The following MBD5 variants were observed in gnomAD, a reference collection of about 807,000 sequenced individuals.
MBD5 encodes the protein methyl-CpG binding domain protein 5, also known as methyl-CpG-binding domain protein 5.
Under a neutral mutation model 117.3 loss-of-function variants are expected in MBD5, and 13 were observed. The ratio of observed to expected loss-of-function variants is 0.11; its 90% CI spans 0.07 to 0.18. The LOEUF is 0.18. MBD5 is among the 10% of genes least tolerant of loss of function. The pLI is 1.00. For synonymous variants in MBD5, 727 were observed against 766.4 expected (o/e 0.95, Z 0.85); for missense variants, 1,879 against 2,093.8 (o/e 0.90, Z 2.00).
chr2:148,113,371 A>G (rs1472515344), intron 1 of MBD5, among the ~76,000 whole-genome samples: 1 of 152,022 alleles, frequency 6.6e-6, no homozygotes, highest in African/African-American at 2.4e-5. Flanking sequence ...CTTTTTTTTT[A>G]ACAGTACTTA....
intron 1 of MBD5, among the ~76,000 whole-genome samples, chr2:148,022,162 G>T (rs1395970306): frequency 6.6e-6 from 1 of 152,110 alleles, no homozygotes; most frequent in Non-Finnish European, 1.5e-5. Context: ...AGACCTGAGT[G>T]TTTTCCCCTT....
At chr2:148,274,240 T>A (rs919723109) in intron 3 of MBD5, among the ~76,000 whole-genome samples, 15 of 152,166 alleles carry the variant, frequency 9.9e-5, no homozygotes, top group African/African-American at 1.9e-4. Context: ...CCACTTTTTT[T>A]AAATTATACT....
intron 1 of MBD5, among the ~76,000 whole-genome samples, chr2:148,170,909 C>T (rs1429104632): frequency 6.6e-6 from 1 of 152,162 alleles, no homozygotes; most frequent in Non-Finnish European, 1.5e-5. Context: ...AATGCCTAGA[C>T]ATATGCAGCC....
chr2:148,466,818 T>C (rs888577724), intron 7 of MBD5, among the ~76,000 whole-genome samples: 1 of 152,134 alleles, frequency 6.6e-6, no homozygotes, highest in African/African-American at 2.4e-5. Flanking sequence ...GAAAAACAAA[T>C]GTTCACAGCA....
intron 1 of MBD5, among the ~76,000 whole-genome samples, chr2:148,097,330 T>C (rs141006373): frequency 1.3e-5 from 2 of 152,322 alleles, no homozygotes; most frequent in African/African-American, 4.8e-5. Context: ...GTGAATAGTT[T>C]CTCAACGCCT....
intron 4 of MBD5, among the ~76,000 whole-genome samples, chr2:148,389,446 C>T (rs144559195): frequency 1.5e-3 from 233 of 151,216 alleles, no homozygotes; most frequent in Non-Finnish European, 2.1e-3. Flanking sequence ...TGGATATACA[C>T]CCAGTAGTGA....
At chr2:148,399,422 A>G (rs1704843621) in intron 4 of MBD5, among the ~76,000 whole-genome samples, 1 of 152,052 alleles carries the variant, frequency 6.6e-6, no homozygotes, top group Non-Finnish European at 1.5e-5. Flanking sequence ...GCAATTGTGA[A>G]TGGGAGTTCA....
intron 4 of MBD5, among the ~76,000 whole-genome samples, chr2:148,381,926 C>G (rs1160917380): frequency 6.6e-6 from 1 of 152,086 alleles, no homozygotes; most frequent in East Asian, 1.9e-4. Context: ...TTTGTCACCA[C>G]CAGGCCTGCC....
intron 1 of MBD5, among the ~76,000 whole-genome samples, chr2:148,064,687 CACAA>C (rs1695137431): frequency 1.3e-5 from 2 of 152,180 alleles, no homozygotes; most frequent in Non-Finnish European, 2.9e-5. Context: ...TTACTCAAGA[CACAA>C]ACAAATTAAA....
chr2:148,216,067 AC>A (rs1699547393), intron 2 of MBD5, among the ~76,000 whole-genome samples: 2 of 152,164 alleles, frequency 1.3e-5, no homozygotes, highest in African/African-American at 4.8e-5. Flanking sequence ...GCAAGCTTAT[AC>A]AAAAAGGGTA....
chr2:148,416,925 C>A (rs1705436949), intron 4 of MBD5, among the ~76,000 whole-genome samples: 1 of 152,132 alleles, frequency 6.6e-6, no homozygotes, highest in South Asian at 2.1e-4. Context: ...CCAGTTCCAT[C>A]CAAGTTTCTC....
At chr2:148,504,774 G>T (rs542644506) in intron 12 of MBD5, among the ~76,000 whole-genome samples, 1 of 152,300 alleles carries the variant, frequency 6.6e-6, no homozygotes, top group African/African-American at 2.4e-5. Flanking sequence ...CGAAGATGGG[G>T]TGGGATAGTG....
At chr2:148,044,123 TG>T (rs1473083244) in intron 1 of MBD5, among the ~76,000 whole-genome samples, 6 of 152,192 alleles carry the variant, frequency 3.9e-5, no homozygotes, top group African/African-American at 1.4e-4. Flanking sequence ...ATATATTAAG[TG>T]GTGTTATGTA....
chr2:148,453,617 T>C (rs1706792666), intron 4 of MBD5, among the ~76,000 whole-genome samples: 1 of 152,042 alleles, frequency 6.6e-6, no homozygotes, highest in South Asian at 2.1e-4. Flanking sequence ...ACAAGGTGGG[T>C]CTTTGGGGAG....
intron 3 of MBD5, among the ~76,000 whole-genome samples, chr2:148,319,299 C>G (rs1013762527): frequency 1.3e-5 from 2 of 152,082 alleles, no homozygotes; most frequent in African/African-American, 4.8e-5. Flanking sequence ...AAAAATGGTG[C>G]TGCTAATTTG....
intron 1 of MBD5, among the ~76,000 whole-genome samples, chr2:148,164,359 T>A (rs1045992153): frequency 6.6e-6 from 1 of 152,006 alleles, no homozygotes; most frequent in African/African-American, 2.4e-5. Context: ...GCACCAGGTG[T>A]TAACCTTAGG....
intron 4 of MBD5, among the ~76,000 whole-genome samples, chr2:148,402,023 T>C (rs1704938746): frequency 2.0e-5 from 3 of 152,140 alleles, no homozygotes; most frequent in African/African-American, 7.2e-5. Flanking sequence ...TATCCCGTTC[T>C]CGGTGCTTTA....
At position 148,092,926 on chromosome 2, in the gene MBD5, C is replaced by CT. The variant is rs371184019; in HGVS notation, c.-925+71253dup. 2.7e-4 allele frequency among the ~76,000 whole-genome samples: 39 copies of CT among 146,570 alleles called. No homozygotes were observed. In the East Asian group the frequency reaches 3.2e-3, roughly 12 times the overall value. On this transcript the variant is annotated intron_variant, in intron 1 of 13. Transcript: ENST00000642680. Reference sequence around the variant, plus strand: ...AAGCTAGCTTCTTATCTATCATGACCTTTTTTTTTTTGACGGAGTATCGCC... The same window carrying CT: ...AAGCTAGCTTCTTATCTATCATGACCTTTTTTTTTTTTGACGGAGTATCGCC...
intron 8 of MBD5, among the ~76,000 whole-genome samples, chr2:148,475,038 A>G (rs1244574071): frequency 6.6e-6 from 1 of 152,182 alleles, no homozygotes; most frequent in Non-Finnish European, 1.5e-5. Flanking sequence ...CCTTCTCAGG[A>G]GATGAGAGAT....
Sources: gnomAD v4.1 joint callset for allele counts (sites outside exome capture counted in the v4.1 genomes callset) on GRCh38, gnomAD v4.1.1 for gene constraint, MANE v1.5 for transcripts, NCBI Gene and HGNC (gene_info 2026-07-23, HGNC 2026-07-21) for gene names.